The following EDRF1 variants were observed in gnomAD, a reference collection of about 807,000 sequenced individuals.
EDRF1 encodes the protein erythroid differentiation-related factor 1.
A neutral mutation model predicts 148.7 loss-of-function variants in EDRF1; 69 were observed. The ratio of observed to expected loss-of-function variants is 0.46; its 90% confidence interval spans 0.38 to 0.57. EDRF1 has a LOEUF of 0.57. EDRF1 is among the 20% of genes least tolerant of loss of function. The pLI is 0.00. For missense variants in EDRF1, 1,118 were observed against 1,478.7 expected (o/e 0.76, Z 4.00); for synonymous variants, 515 against 532.8 (o/e 0.97, Z 0.46).
At chr10:125,746,976 T>C (rs1849387949) in intron 19 of EDRF1, 1 of 154,190 alleles carries the variant, frequency 6.5e-6, no homozygotes, top group Non-Finnish European at 1.4e-5. Flanking sequence ...CATAAATTTT[T>C]AAATGAGTGA....
intron 9 of EDRF1, among the ~76,000 whole-genome samples, chr10:125,732,146 G>C (rs895514185): frequency 2.6e-5 from 4 of 152,156 alleles, no homozygotes; most frequent in African/African-American, 7.2e-5. Context: ...AAAGTCTGCT[G>C]TATGATTCTG....
intron 6 of EDRF1, among the ~76,000 whole-genome samples, chr10:125,727,905 A>G (rs1848330429): frequency 1.3e-5 from 2 of 152,148 alleles, no homozygotes; most frequent in Non-Finnish European, 2.9e-5. Flanking sequence ...GTATTCCAAA[A>G]TGCATTCCAG....
intron 22 of EDRF1, 145 bp from the exon 23 acceptor site, chr10:125,752,654 A>G: frequency 1.6e-6 from 1 of 622,668 alleles, no homozygotes; most frequent in South Asian, 1.9e-5. Flanking sequence ...ATATTATTAA[A>G]TAGAAGTTGG....
At chr10:125,724,006 C>A in intron 4 of EDRF1, 70 bp downstream of exon 4, 1 of 1,569,052 alleles carries the variant, frequency 6.4e-7, no homozygotes, top group Non-Finnish European at 8.7e-7. Context: ...GATTTTGTTT[C>A]AGAGAATGGC....
intron 24 of EDRF1, chr10:125,761,315 G>A (rs1850184187): frequency 7.4e-6 from 2 of 271,176 alleles, no homozygotes; most frequent in South Asian, 3.2e-5. Context: ...TAGGCCAAAG[G>A]TTTTCTCTTT....
intron 24 of EDRF1, chr10:125,757,227 C>T (rs1201182294): frequency 1.4e-5 from 3 of 209,758 alleles, no homozygotes; most frequent in Non-Finnish European, 3.0e-5. Flanking sequence ...CATTTTATTT[C>T]ACTATTGATT....
intron 18 of EDRF1, among the ~76,000 whole-genome samples, chr10:125,743,757 G>A (rs1422066674): frequency 2.0e-5 from 3 of 152,014 alleles, no homozygotes; most frequent in South Asian, 4.1e-4. Context: ...AGCATCAGCC[G>A]GCAAATGTGA....
At chr10:125,738,153 C>A in intron 14 of EDRF1, 142 bp from the exon 15 acceptor site, 1 of 1,377,488 alleles carries the variant, frequency 7.3e-7, no homozygotes, top group Non-Finnish European at 1.0e-6. Flanking sequence ...CCAAATCTTT[C>A]AGATCAAACA....
intron 3 of EDRF1, 150 bp downstream of exon 3, chr10:125,723,284 TTTG>T (rs1244057171): frequency 1.3e-6 from 1 of 770,250 alleles, no homozygotes; most frequent in Non-Finnish European, 2.3e-6. Flanking sequence ...GAGTATCTTT[TTTG>T]TTGTTAAAGT....
At chr10:125,743,607 G>A (rs1439788108) in intron 18 of EDRF1, among the ~76,000 whole-genome samples, 1 of 152,208 alleles carries the variant, frequency 6.6e-6, no homozygotes, top group Non-Finnish European at 1.5e-5. Flanking sequence ...AAGCTAGATA[G>A]GAACACAAAG....
At chr10:125,722,999 G>C in intron 2 of EDRF1, 69 bp from the exon 3 acceptor site, 1 of 1,220,744 alleles carries the variant, frequency 8.2e-7, no homozygotes, top group East Asian at 2.3e-5. Context: ...CTACAGTATT[G>C]TTATTAAGCT....
At position 125,733,626 on chromosome 10, in the gene EDRF1, T is replaced by C. The variant is rs1247912812; in HGVS notation, c.1277-9T>C. 7 of 1,613,426 alleles carry C rather than the reference T, an allele frequency of 4.3e-6. No homozygotes were observed. In the Middle Eastern group the frequency reaches 5.0e-4, roughly 114 times the overall value. ...CTGTGAAATGAGTCTTCTTTGTTTT[T>C]CTTTTCAGCAAGTGGCAGCGATATA... On this transcript the variant is annotated splice_polypyrimidine_tract_variant and intron_variant, in intron 10 of 24. Coordinates refer to ENST00000356792, the MANE Select transcript of EDRF1 (RefSeq NM_001202438.2).
chr10:125,727,188 G>A (rs1589823116), intron 6 of EDRF1, among the ~76,000 whole-genome samples: 1 of 152,206 alleles, frequency 6.6e-6, no homozygotes, highest in African/African-American at 2.4e-5. Context: ...TCCTCCAGCA[G>A]TACTCCACTG....
chr10:125,725,712 C>G lies in EDRF1; in HGVS notation c.666C>G (p.Val222=), dbSNP rs2133673709. ...ATGGTGATGGAGCCGCTCAGCCTGT[C>G]TCATCCACCGCAGAACAGCAGGAAT... is the stretch of plus-strand genomic sequence containing the variant. The part of the protein sequence containing the change: ...SINGDGAAQP[V]SSTAEQQESS... The change falls in exon 6 of 25, where the codon GTC becomes GTG. Residue 222 remains valine (V), a synonymous_variant. Transcript: ENST00000356792. 1 of 1,614,082 alleles carries G rather than the reference C, an allele frequency of 6.2e-7. No individual in the cohort carries two copies. The highest frequency in any genetic ancestry group is 2.2e-5 in the East Asian group (1 of 44,880).
intron 4 of EDRF1, among the ~76,000 whole-genome samples, chr10:125,724,286 A>G (rs562267835): frequency 6.6e-6 from 1 of 152,260 alleles, no homozygotes; most frequent in Non-Finnish European, 1.5e-5. Flanking sequence ...AAACACAGCT[A>G]CTGGAAAATG....
In EDRF1 at chr10:125,735,801, G is replaced by A. The variant is rs1848699747; in HGVS notation, c.1655G>A (p.Ser552Asn). Residue 552 changes from serine to asparagine, a missense_variant, in exon 13 of 25, where the codon AGC (serine) becomes AAC (asparagine). By Grantham distance (46) the Ser-to-Asn change is conservative. Around this residue, in one of 3 missense-constraint regions of EDRF1, gnomAD observed 954 missense variants for 1,241.4 expected, o/e 0.77. Coordinates refer to ENST00000356792, the MANE Select transcript of EDRF1 (RefSeq NM_001202438.2). ...GACAGTGATGAAAATGGATCCTATA[G>A]CACCAGCTCTGATCCATCAGATGAT... ...MPDSDENGSY[S>N]TSSDPSDDSK... 1.9e-6 allele frequency: 3 copies of A among 1,613,670 alleles called. No homozygotes were observed. Among genetic ancestry groups the A allele is most frequent in the African/African-American group, 2.7e-5 (2 of 74,912 alleles).
intron 4 of EDRF1, among the ~76,000 whole-genome samples, chr10:125,724,587 G>A (rs993423021): frequency 2.0e-5 from 3 of 152,096 alleles, no homozygotes; most frequent in East Asian, 1.9e-4. Context: ...ACCTAATGAC[G>A]CGCTTCTCAG....
chr10:125,721,490 G>C, intron 2 of EDRF1, 78 bp downstream of exon 2: 1 of 1,314,336 alleles, frequency 7.6e-7, no homozygotes. Flanking sequence ...AATTCAGTTT[G>C]TAATGCCTAT....
In EDRF1 at chr10:125,763,481, A is replaced by C. The variant is rs376227145; in HGVS notation, c.*9A>C. The C allele has an allele frequency of 6.2e-6, 10 of 1,604,698 alleles. No homozygotes were observed. The highest frequency in any genetic ancestry group is 8.5e-6 in the Non-Finnish European group (10 of 1,179,788). On this transcript the variant is annotated 3_prime_UTR_variant, in exon 25 of 25. Transcript: ENST00000356792. This position sits in a 1 kb window ranked among gnomAD's most constrained non-coding sequence, Gnocchi z 4.3. ...GCAATGCCGTTCAGTGACTGCACAGAGCCGTGTCCCAGACACGCTGTCAGT... is the reference window on the plus strand; with the variant it reads ...GCAATGCCGTTCAGTGACTGCACAGCGCCGTGTCCCAGACACGCTGTCAGT...
Sources: allele counts gnomAD v4.1 joint callset (sites outside exome capture counted in the v4.1 genomes callset), GRCh38; gene constraint gnomAD v4.1.1; regional missense constraint gnomAD v4.1.1; non-coding constraint Gnocchi (gnomAD v3.1); transcripts MANE v1.5; gene names NCBI Gene and HGNC (gene_info 2026-07-23, HGNC 2026-07-21).